Variants in MSANTD5 observed in about 807,000 individuals in gnomAD.
MSANTD5 encodes Myb/SANT DNA binding domain containing 5.
the MSANTD5 span, among the ~76,000 whole-genome samples, chr5:178,705,341 C>T: frequency 4.6e-5 from 7 of 152,200 alleles, no homozygotes; most frequent in East Asian, 3.9e-4. Flanking sequence ...CCACCACGCC[C>T]GGCCTAAGAC....
chr5:178,704,450 G>T, the MSANTD5 span, among the ~76,000 whole-genome samples: 1 of 152,206 alleles, frequency 6.6e-6, no homozygotes, highest in African/African-American at 2.4e-5. Flanking sequence ...CTATAAGCCA[G>T]AAAGTGGGCC....
chr5:178,692,966 T>C (rs112112788), downstream of MSANTD5, among the ~76,000 whole-genome samples: 21 of 152,080 alleles, frequency 1.4e-4, no homozygotes, highest in Middle Eastern at 3.4e-3. Flanking sequence ...GTACTACTTG[T>C]TACAACAGCA....
the MSANTD5 span, among the ~76,000 whole-genome samples, chr5:178,703,596 T>G: frequency 6.6e-6 from 1 of 152,184 alleles, no homozygotes; most frequent in African/African-American, 2.4e-5. Flanking sequence ...TAGTGTTTGA[T>G]AGATCAGTAG....
chr5:178,701,212 C>T (rs1299361694), upstream of MSANTD5, among the ~76,000 whole-genome samples: 5 of 152,094 alleles, frequency 3.3e-5, no homozygotes, highest in African/African-American at 7.2e-5. Context: ...CTCTTGACCT[C>T]GTGATCTGCC....
upstream of MSANTD5, among the ~76,000 whole-genome samples, chr5:178,699,939 C>T (rs7723954): frequency 0.035 from 4,908 of 138,576 alleles, 454 homozygotes; most frequent in African/African-American, 0.081. Flanking sequence ...CTGTGGCTTT[C>T]CAGCACAGAC....
the MSANTD5 span, among the ~76,000 whole-genome samples, chr5:178,706,579 A>C: frequency 6.6e-6 from 1 of 151,702 alleles, no homozygotes; most frequent in Non-Finnish European, 1.5e-5. Flanking sequence ...GCAGGATTCC[A>C]ATCTACTGGA....
chr5:178,707,443 GC>G, the MSANTD5 span, among the ~76,000 whole-genome samples: 1 of 151,362 alleles, frequency 6.6e-6, no homozygotes, highest in Non-Finnish European at 1.5e-5. Flanking sequence ...TTCTGGCGGG[GC>G]GCGGTGGCTC....
the MSANTD5 span, among the ~76,000 whole-genome samples, chr5:178,706,487 G>A: frequency 1.2e-4 from 18 of 152,040 alleles, no homozygotes; most frequent in African/African-American, 3.6e-4. Flanking sequence ...GTCAGTACTC[G>A]TGTGTCCAAG....
At chr5:178,697,409 G>T (rs569859814) in intron 1 of MSANTD5, among the ~76,000 whole-genome samples, 177 bp downstream of exon 1, 78 of 152,214 alleles carry the variant, frequency 5.1e-4, no homozygotes, top group Non-Finnish European at 8.7e-4. Context: ...AGCCGGGATC[G>T]CGCCCCTGCA....
the MSANTD5 span, among the ~76,000 whole-genome samples, chr5:178,706,753 C>T: frequency 1.3e-5 from 2 of 151,960 alleles, no homozygotes; most frequent in African/African-American, 2.4e-5. Flanking sequence ...GTGTATTTCA[C>T]AATGATTCCC....
At chr5:178,692,166 G>A (rs970330617), downstream of MSANTD5, among the ~76,000 whole-genome samples, 4 of 133,336 alleles carry the variant, frequency 3.0e-5, 1 homozygote, top group Non-Finnish European at 6.8e-5. Flanking sequence ...GACCACCTGA[G>A]CTCAAGAGTT....
chr5:178,699,434 CT>C (rs36114750), upstream of MSANTD5, among the ~76,000 whole-genome samples: 4 of 148,704 alleles, frequency 2.7e-5, no homozygotes, highest in Non-Finnish European at 3.0e-5. Flanking sequence ...TTCTTTCCTT[CT>C]TTTTTTTTTT....
At chr5:178,694,931 A>G (rs1178842560) in exon 4 of MSANTD5, 1 of 152,176 alleles carries the variant, frequency 6.6e-6, no homozygotes, top group Non-Finnish European at 1.5e-5. Flanking sequence ...GGTTAACCAC[A>G]TCTGCACAGG....
chr5:178,698,025 C>A (rs1403282567), upstream of MSANTD5, among the ~76,000 whole-genome samples: 1 of 152,118 alleles, frequency 6.6e-6, no homozygotes, highest in Non-Finnish European at 1.5e-5. Context: ...AGATAAATTA[C>A]CCCTTCCCCC....
chr5:178,694,185 C>T (rs987379365), downstream of MSANTD5, among the ~76,000 whole-genome samples: 11 of 151,758 alleles, frequency 7.2e-5, no homozygotes, highest in Non-Finnish European at 1.2e-4. Flanking sequence ...GGCATGGTGG[C>T]GGGCGCCTGT....
At chr5:178,698,132 G>A (rs1269920129), upstream of MSANTD5, among the ~76,000 whole-genome samples, 1 of 152,212 alleles carries the variant, frequency 6.6e-6, no homozygotes, top group Non-Finnish European at 1.5e-5. Context: ...GCTTCAGCTG[G>A]TTGAGGGTGA....
chr5:178,700,766 C>T (rs1765469694), upstream of MSANTD5, among the ~76,000 whole-genome samples: 1 of 151,374 alleles, frequency 6.6e-6, no homozygotes, highest in South Asian at 2.1e-4. Context: ...TGGAGAGGCT[C>T]GGAAGGCCAG....
upstream of MSANTD5, among the ~76,000 whole-genome samples, chr5:178,700,813 C>T (rs186472573): frequency 3.8e-4 from 58 of 152,286 alleles, no homozygotes; most frequent in Middle Eastern, 3.4e-3. Flanking sequence ...GTAAGTGCCA[C>T]GGAATCTCTG....
intron 1 of MSANTD5, among the ~76,000 whole-genome samples, chr5:178,697,200 A>C (rs1387379572): frequency 1.3e-5 from 2 of 152,316 alleles, no homozygotes; most frequent in African/African-American, 4.8e-5. Flanking sequence ...CACGCCTGTA[A>C]TCCCAGCACT....
Sources: allele counts gnomAD v4.1 joint callset (sites outside exome capture counted in the v4.1 genomes callset), GRCh38; gene constraint gnomAD v4.1.1; transcripts MANE v1.5; gene names NCBI Gene and HGNC (gene_info 2026-07-23, HGNC 2026-07-21).